CLIP4: variants seen among roughly 807,000 people sequenced by gnomAD.
CLIP4 encodes CAP-Gly domain containing linker protein family member 4, also known as CAP-Gly domain-containing linker protein 4.
Under a neutral mutation model 73.1 loss-of-function variants are expected in CLIP4, and 47 were observed. The observed-to-expected ratio is 0.64, with a 90% CI of 0.51 to 0.82. The LOEUF is 0.82. Among genes scored for constraint, CLIP4 ranks in the 40% least tolerant of loss-of-function variants. CLIP4 has a pLI of 0.00. For missense variants in CLIP4, 874 were observed against 852.9 expected, an observed-to-expected ratio of 1.02 and a Z score of -0.31; for synonymous variants, 306 against 295.4, an observed-to-expected ratio of 1.04 and a Z score of -0.37.
intron 6 of CLIP4, among the ~76,000 whole-genome samples, chr2:29,136,247 G>T (rs796457209): frequency 1.7e-4 from 26 of 150,084 alleles, no homozygotes; most frequent in African/African-American, 5.9e-4. Context: ...ACAATAACTC[G>T]CTCTGGCAGG....
At chr2:29,163,175 G>A (rs1446939838) in intron 12 of CLIP4, among the ~76,000 whole-genome samples, 2 of 151,736 alleles carry the variant, frequency 1.3e-5, no homozygotes, top group Non-Finnish European at 2.9e-5. Context: ...AGGAAATCCT[G>A]TTATTTCCTT....
chr2:29,156,554 A>G, intron 10 of CLIP4, 111 bp downstream of exon 10: 1 of 710,302 alleles, frequency 1.4e-6, no homozygotes, highest in South Asian at 2.0e-5. Flanking sequence ...GGCAAGGGAA[A>G]AATTATAGTA....
chr2:29,167,981 A>G (rs1031536530), intron 14 of CLIP4: 1 of 152,374 alleles, frequency 6.6e-6, no homozygotes, highest in African/African-American at 2.4e-5. Context: ...ATTACAAACT[A>G]TGTTCTTGTG....
At chr2:29,130,564 T>A in intron 2 of CLIP4, 1 of 1,033,490 alleles carries the variant, frequency 9.7e-7, no homozygotes, top group Admixed American at 4.8e-5. Flanking sequence ...GAGCTGGGGG[T>A]GGGACTTTGG....
At chr2:29,140,407 A>G (rs976377523) in intron 6 of CLIP4, among the ~76,000 whole-genome samples, 2 of 151,938 alleles carry the variant, frequency 1.3e-5, no homozygotes, top group Non-Finnish European at 2.9e-5. Flanking sequence ...AAGGACATGA[A>G]CTCATCATTT....
At chr2:29,171,362 G>A (rs1165113911) in intron 14 of CLIP4, among the ~76,000 whole-genome samples, 2 of 152,050 alleles carry the variant, frequency 1.3e-5, no homozygotes, top group Non-Finnish European at 2.9e-5. Flanking sequence ...ATTAATGTAA[G>A]TGGTGTTGCT....
intron 1 of CLIP4, among the ~76,000 whole-genome samples, chr2:29,116,604 TGG>T (rs1663867885): frequency 6.6e-6 from 1 of 152,196 alleles, no homozygotes; most frequent in Non-Finnish European, 1.5e-5. Context: ...ATTGAGCAAC[TGG>T]GGAGGAAAGC....
At chr2:29,144,347 G>A (rs182025485) in intron 7 of CLIP4, among the ~76,000 whole-genome samples, 1 of 152,194 alleles carries the variant, frequency 6.6e-6, no homozygotes, top group East Asian at 1.9e-4. Flanking sequence ...TTGTCTTTGG[G>A]TTCCCACAAA....
At chr2:29,156,924 A>G (rs1295806532) in intron 10 of CLIP4, among the ~76,000 whole-genome samples, 1 of 152,214 alleles carries the variant, frequency 6.6e-6, no homozygotes, top group East Asian at 1.9e-4. Flanking sequence ...GATGGTCATT[A>G]GATTAGGTAG....
At chr2:29,172,007 CTGTT>C (rs1240764791) in intron 14 of CLIP4, among the ~76,000 whole-genome samples, 1 of 118,188 alleles carries the variant, frequency 8.5e-6, no homozygotes, top group East Asian at 2.2e-4. Flanking sequence ...TTCCCACCCT[CTGTT>C]TTTTTTTTTT....
chr2:29,121,267 T>C, intron 1 of CLIP4, 107 bp from the exon 2 acceptor site: 1 of 1,105,526 alleles, frequency 9.0e-7, no homozygotes, highest in East Asian at 2.5e-5. Flanking sequence ...TTACTGAAAA[T>C]GTCAGCAGAT....
chr2:29,151,190 T>C (rs529210649), intron 8 of CLIP4, among the ~76,000 whole-genome samples: 6 of 152,176 alleles, frequency 3.9e-5, no homozygotes, highest in Non-Finnish European at 7.3e-5. Context: ...TTGAAATGTA[T>C]TTTTTTCTTT....
chr2:29,172,055 A>C (rs1668045434), intron 14 of CLIP4, among the ~76,000 whole-genome samples: 1 of 148,852 alleles, frequency 6.7e-6, no homozygotes, highest in African/African-American at 2.5e-5. Flanking sequence ...CTTGTGTAGA[A>C]GTTATAGTCT....
At chr2:29,164,369 T>G (rs1345995806) in intron 13 of CLIP4, among the ~76,000 whole-genome samples, 1 of 152,164 alleles carries the variant, frequency 6.6e-6, no homozygotes, top group Non-Finnish European at 1.5e-5. Flanking sequence ...CCAAAATGGC[T>G]TTTTCCTCTG....
rs765492053 is a variant in CLIP4 at position 29,181,697 on chromosome 2, G to A, written c.1922G>A (p.Arg641Lys). Residue 641 changes from arginine (R) to lysine (K), a missense_variant, in exon 16 of 16, where the codon AGG becomes AAG. By Grantham distance (26) the Arg-to-Lys change is conservative. Transcript: ENST00000320081. ...AGCTCCAATGAGATGGGTACTGTTA[G>A]GTATGTGGGCCCCACTGACTTTGCT... is the stretch of plus-strand genomic sequence containing the variant. ...LTSSNEMGTV[R>K]YVGPTDFASG... 1.2e-6 allele frequency: 2 copies of A among 1,614,184 alleles called. No individual in the cohort carries two copies. The highest frequency in any genetic ancestry group is 1.7e-6 in the Non-Finnish European group (2 of 1,180,020).
At chr2:29,107,108 G>A (rs1249226930) in intron 1 of CLIP4, among the ~76,000 whole-genome samples, 2 of 152,118 alleles carry the variant, frequency 1.3e-5, no homozygotes, top group African/African-American at 4.8e-5. Flanking sequence ...CAAGGTGCAA[G>A]CTGCTTTCTA....
chr2:29,122,871 T>C (rs373224270), intron 2 of CLIP4, among the ~76,000 whole-genome samples: 5 of 148,358 alleles, frequency 3.4e-5, no homozygotes, highest in African/African-American at 9.9e-5. Context: ...CTTAGAATTA[T>C]AGGTTTTTGT....
intron 13 of CLIP4, among the ~76,000 whole-genome samples, chr2:29,164,532 AC>A (rs1465166715): frequency 2.0e-5 from 3 of 152,200 alleles, no homozygotes; most frequent in Admixed American, 6.5e-5. Flanking sequence ...TTGAGCAGAA[AC>A]AAAGTCCTCA....
chr2:29,110,105 G>A (rs1157831613), intron 1 of CLIP4, among the ~76,000 whole-genome samples: 2 of 152,036 alleles, frequency 1.3e-5, no homozygotes, highest in Non-Finnish European at 2.9e-5. Flanking sequence ...AACTAAACTA[G>A]ATCAACTGAA....
Sources: gnomAD v4.1 joint callset for allele counts (sites outside exome capture counted in the v4.1 genomes callset) on GRCh38, gnomAD v4.1.1 for gene constraint, MANE v1.5 for transcripts, NCBI Gene and HGNC (gene_info 2026-07-23, HGNC 2026-07-21) for gene names.